The following RIMKLA variants were observed in gnomAD, a reference collection of about 807,000 sequenced individuals.
RIMKLA encodes the protein N-acetylaspartylglutamate synthase A.
A neutral mutation model predicts 32.7 loss-of-function variants in RIMKLA; 14 were observed. That is an observed-to-expected ratio of 0.43 (90% CI 0.28 to 0.67). The LOEUF (loss-of-function observed/expected upper bound fraction) is 0.67. Ranked by LOEUF, RIMKLA falls within the 30% of genes least tolerant of loss-of-function variation. The probability of loss-of-function intolerance (pLI) is 0.18; values close to 1 mark genes in which losing one functional copy is unlikely to be tolerated. For synonymous variants in RIMKLA, 176 were observed against 204.1 expected (o/e 0.86, Z 1.18); for missense variants, 410 against 519.0 (o/e 0.79, Z 2.04).
chr1:42,387,442 A>C (rs1333675872), intron 1 of RIMKLA, among the ~76,000 whole-genome samples: 1 of 152,130 alleles, frequency 6.6e-6, no homozygotes, highest in Non-Finnish European at 1.5e-5. Context: ...AAAGTGATAA[A>C]TTTAGATTAC....
In RIMKLA at chr1:42,402,591, C is replaced by CTT. The variant is rs34477169; in HGVS notation, c.395-1904_395-1903dup. Among the ~76,000 whole-genome samples the CTT allele has an allele frequency of 3.0e-3, 426 of 142,702 alleles. 1 individual carries two copies. The highest frequency in any genetic ancestry group is 8.3e-3 in the African/African-American group (320 of 38,642). 93.6% of individuals were successfully genotyped at this position (142,702 alleles called of 152,430 possible). A position where few individuals can be genotyped will look rare whatever the true frequency, so the allele number is the denominator to read the frequency against. ...ACCAGAAAGGAATCCACCTGGCTAA[C>CTT]TTTTTTTTTTTTTTTTTGAGACAGG... is the stretch of plus-strand genomic sequence containing the variant. On this transcript the variant is annotated intron_variant, in intron 2 of 4. Transcript: ENST00000431473.
intron 1 of RIMKLA, among the ~76,000 whole-genome samples, chr1:42,395,803 A>G (rs1643038441): frequency 6.6e-6 from 1 of 152,180 alleles, no homozygotes; most frequent in Non-Finnish European, 1.5e-5. Context: ...CTTAAACCCA[A>G]ATTGTCCTTG....
chr1:42,382,370 A>G (rs1337198838), intron 1 of RIMKLA, among the ~76,000 whole-genome samples: 2 of 152,224 alleles, frequency 1.3e-5, no homozygotes, highest in Admixed American at 6.5e-5. Context: ...GTGAATTCCT[A>G]TTACAGCTTT....
chr1:42,396,028 G>A (rs1009852907), intron 1 of RIMKLA, among the ~76,000 whole-genome samples: 8 of 151,884 alleles, frequency 5.3e-5, no homozygotes, highest in Admixed American at 3.3e-4. Context: ...ATCACCTGAG[G>A]TCAAGAGACC....
At chr1:42,409,612 A>C (rs990823349) in intron 3 of RIMKLA, among the ~76,000 whole-genome samples, 4 of 152,218 alleles carry the variant, frequency 2.6e-5, no homozygotes, top group Non-Finnish European at 5.9e-5. Flanking sequence ...TTTTAAAATG[A>C]GTTAGATGTG....
At chr1:42,409,201 C>CAAAAAAAAAAAAA (rs59543497) in intron 3 of RIMKLA, among the ~76,000 whole-genome samples, 1 of 64,480 alleles carries the variant, frequency 1.6e-5, no homozygotes, top group African/African-American at 6.7e-5. Flanking sequence ...GACTCTGTCT[C>CAAAAAAAAAAAAA]AAAAAAAAAA....
chr1:42,408,133 A>G (rs1015080689), intron 3 of RIMKLA, among the ~76,000 whole-genome samples: 2 of 152,166 alleles, frequency 1.3e-5, no homozygotes, highest in Non-Finnish European at 2.9e-5. Flanking sequence ...TCATTGATTG[A>G]AGACAGGGAA....
Position 42,380,887 on chromosome 1 carries a change from G to C in RIMKLA, c.-48G>C. Reference sequence around the variant, plus strand: ...GCTCGCCCTACTGAGCGAGCGGCCCGGGGCGCCGAGGGGTCCGCGCCGCGC... The same window carrying C: ...GCTCGCCCTACTGAGCGAGCGGCCCCGGGCGCCGAGGGGTCCGCGCCGCGC... On this transcript the variant is annotated 5_prime_UTR_variant, in exon 1 of 5. Coordinates refer to ENST00000431473, the MANE Select transcript of RIMKLA (RefSeq NM_173642.4). The C allele has an allele frequency of 1.6e-6, 2 of 1,229,446 alleles. No homozygotes were observed. The highest frequency in any genetic ancestry group is 3.5e-5 in the South Asian group (1 of 28,600). The allele number at this position is 1,229,446 out of a possible 1,614,324, so 76.2% of individuals were successfully genotyped here.
At position 42,417,285 on chromosome 1, in the gene RIMKLA, C is replaced by T. The variant is rs1157811237; in HGVS notation, c.*2311C>T. ...TGTAGTCATTGGCTTCATTGCCTGG[C>T]ACTAGCCCTGTCTAGAAGTGGAGAA... On this transcript the variant is annotated 3_prime_UTR_variant, in exon 5 of 5. Transcript: ENST00000431473. The T allele has an allele frequency of 6.6e-6, 1 of 152,276 alleles. No homozygotes were observed. The highest frequency in any genetic ancestry group is 1.5e-5 in the Non-Finnish European group (1 of 68,078). The allele number at this position is 152,276 out of a possible 1,614,324, so 9.4% of individuals were successfully genotyped here.
In RIMKLA at chr1:42,417,934, T is replaced by TG. The variant is rs1643263585; in HGVS notation, c.*2960_*2961insG. 1 of 76,078 alleles carries TG rather than the reference T, an allele frequency of 1.3e-5. No homozygotes were observed. The highest frequency in any genetic ancestry group is 2.6e-5 in the Non-Finnish European group (1 of 39,126). 4.7% of individuals were successfully genotyped at this position (76,078 alleles called of 1,614,324 possible). ...CTGGGTGACAGAGCGAGACTCCGTC[T>TG]CAAAAAAAAAAAAAAAAAGCCACAC... On this transcript the variant is annotated 3_prime_UTR_variant, in exon 5 of 5. Coordinates refer to ENST00000431473, the MANE Select transcript of RIMKLA (RefSeq NM_173642.4).
At position 42,395,000 on chromosome 1, in the gene RIMKLA, A is replaced by G. The variant is rs1643030511; in HGVS notation, c.164-4404A>G. ...GTGATCCACCCGCCTTGGCCTCCCA[A>G]GGTGCTGGGATTACAGGCGAGAGCC... On this transcript the variant is annotated intron_variant, in intron 1 of 4. Coordinates refer to ENST00000431473, the MANE Select transcript of RIMKLA (RefSeq NM_173642.4). Among the ~76,000 whole-genome samples, 6 of 152,210 alleles carry G rather than the reference A, an allele frequency of 3.9e-5. No homozygotes were observed. In the South Asian group the frequency reaches 6.2e-4, roughly 16 times the overall value.
At chr1:42,409,873 G>T (rs1443803160) in intron 3 of RIMKLA, 111 bp from the exon 4 acceptor site, 2 of 817,214 alleles carry the variant, frequency 2.4e-6, no homozygotes, top group Middle Eastern at 3.6e-4. Flanking sequence ...AGGGACCAAA[G>T]TGAGGCAAGT....
intron 3 of RIMKLA, among the ~76,000 whole-genome samples, chr1:42,406,528 C>T (rs1397379838): frequency 5.9e-5 from 9 of 152,184 alleles, no homozygotes; most frequent in Non-Finnish European, 1.3e-4. Flanking sequence ...ATGATGTTTT[C>T]AAGGTTCATC....
intron 1 of RIMKLA, among the ~76,000 whole-genome samples, chr1:42,393,112 A>G (rs1430701306): frequency 6.6e-6 from 1 of 152,176 alleles, no homozygotes; most frequent in Non-Finnish European, 1.5e-5. Context: ...GAGAGGTGGT[A>G]ACTCCCTTGA....
At chr1:42,412,782 T>C in intron 4 of RIMKLA, 1 of 295,450 alleles carries the variant, frequency 3.4e-6, no homozygotes. Flanking sequence ...GCCAGGACAT[T>C]GACATGCATC....
chr1:42,386,084 G>A (rs1322468375), intron 1 of RIMKLA, among the ~76,000 whole-genome samples: 1 of 151,570 alleles, frequency 6.6e-6, no homozygotes, highest in Non-Finnish European at 1.5e-5. Flanking sequence ...ACCATACCGG[G>A]CTAATGTTTT....
At position 42,414,686 on chromosome 1, in the gene RIMKLA, A is replaced by T. The variant is rs946247303; in HGVS notation, c.888A>T (p.Ala296=). ...ACNLDVGGII[A]DYTMSLLPNR... ...ACTTAGATGTGGGTGGGATCATTGCAGACTATACCATGTCCTTGCTGCCAA... is the reference window on the plus strand; with the variant it reads ...ACTTAGATGTGGGTGGGATCATTGCTGACTATACCATGTCCTTGCTGCCAA... Residue 296 remains alanine (A), a synonymous_variant, in exon 5 of 5, where the codon GCA becomes GCT. Coordinates refer to ENST00000431473, the MANE Select transcript of RIMKLA (RefSeq NM_173642.4). 1.2e-6 allele frequency: 2 copies of T among 1,614,222 alleles called. No homozygotes were observed. The highest frequency in any genetic ancestry group is 2.7e-5 in the African/African-American group (2 of 75,062).
At chr1:42,412,564 G>C (rs1643207440) in intron 4 of RIMKLA, 1 of 492,810 alleles carries the variant, frequency 2.0e-6, no homozygotes. Context: ...TTGCACATCA[G>C]ACTGGGGCTG....
chr1:42,395,501 G>C (rs1412767714), intron 1 of RIMKLA, among the ~76,000 whole-genome samples: 2 of 151,920 alleles, frequency 1.3e-5, no homozygotes, highest in African/African-American at 4.8e-5. Flanking sequence ...AAGAGCACTA[G>C]GGTACTTAAT....
Sources: allele counts gnomAD v4.1 joint callset (sites outside exome capture counted in the v4.1 genomes callset), GRCh38; gene constraint gnomAD v4.1.1; transcripts MANE v1.5; gene names NCBI Gene and HGNC (gene_info 2026-07-23, HGNC 2026-07-21).